The following BRAF variants were observed in gnomAD, a reference collection of about 807,000 sequenced individuals.
BRAF encodes the protein serine/threonine-protein kinase B-raf.
Under a neutral mutation model 104.6 loss-of-function variants are expected in BRAF, and 16 were observed. The ratio of observed to expected loss-of-function variants is 0.15; its 90% CI spans 0.10 to 0.23. The LOEUF is 0.23. BRAF is among the 10% of genes least tolerant of loss of function. The pLI, the probability that BRAF is intolerant of heterozygous loss-of-function variation, is 1.00. For missense variants in BRAF, 541 were observed against 937.3 expected, an observed-to-expected ratio of 0.58 and a Z score of 5.52; for synonymous variants, 310 against 341.6, an observed-to-expected ratio of 0.91 and a Z score of 1.02.
chr7:140,733,531 C>G (rs1376506857), intron 19 of BRAF: 1 of 152,092 alleles, frequency 6.6e-6, no homozygotes, highest in Non-Finnish European at 1.5e-5. Flanking sequence ...AGTGTAAGTA[C>G]TAAAGAACCC....
chr7:140,777,241 T>G lies in BRAF; in HGVS notation c.1638-153A>C, dbSNP rs188449133. 1.1e-4 allele frequency among the ~76,000 whole-genome samples: 16 copies of G among 152,308 alleles called. No homozygotes were observed. The East Asian group carries it at 1.9e-3, about 18-fold the overall frequency. ...ACAAAAGGATACATTTAGAAGAGAC[T>G]GGCAATTGCCAAGTCTAACCTCCTA... On this transcript the variant is annotated intron_variant, in intron 13 of 19. Coordinates refer to ENST00000644969, the MANE Select transcript of BRAF (RefSeq NM_001374258.1).
chr7:140,916,663 A>G (rs751622140), intron 1 of BRAF, among the ~76,000 whole-genome samples: 8 of 152,218 alleles, frequency 5.3e-5, no homozygotes, highest in Non-Finnish European at 1.2e-4. Context: ...TTATAAGGAA[A>G]TTAATTTTGG....
chr7:140,791,256 C>T (rs1323437227), intron 8 of BRAF, among the ~76,000 whole-genome samples: 2 of 152,242 alleles, frequency 1.3e-5, no homozygotes, highest in Non-Finnish European at 1.5e-5. Context: ...TCTCCTCTTA[C>T]TGGCCCTCTA....
chr7:140,713,513 TA>T, the BRAF span, among the ~76,000 whole-genome samples: 1 of 151,996 alleles, frequency 6.6e-6, no homozygotes, highest in Admixed American at 6.6e-5. Flanking sequence ...TCCATTCATC[TA>T]ATTTTTTTTC....
Position 140,725,738 on chromosome 7 carries a change from C to T in BRAF, c.*756G>A. 9.4e-7 allele frequency: 1 copy of T among 1,060,288 alleles called. No homozygotes were observed. Among genetic ancestry groups the T allele is most frequent in the African/African-American group, 1.6e-5 (1 of 60,818 alleles). The allele number at this position is 1,060,288 out of a possible 1,614,324, so 65.7% of individuals were successfully genotyped here. A position where few individuals can be genotyped will look rare whatever the true frequency, so the allele number is the denominator to read the frequency against. ...CCAAACACTTATCTTCATTGCTGGA[C>T]CCAATGAGAAAGAAGGCAATGTGTG... On this transcript the variant is annotated 3_prime_UTR_variant, in exon 20 of 20. Coordinates refer to ENST00000644969, the MANE Select transcript of BRAF (RefSeq NM_001374258.1).
chr7:140,783,337 CT>C (rs1801062568), intron 10 of BRAF, 180 bp from the exon 10 acceptor site: 3 of 690,470 alleles, frequency 4.3e-6, no homozygotes, highest in Non-Finnish European at 7.0e-6. Flanking sequence ...ACTATAATTT[CT>C]TTTAGTTTTC....
At chr7:140,853,032 T>C (rs1366277544) in intron 1 of BRAF, among the ~76,000 whole-genome samples, 1 of 152,166 alleles carries the variant, frequency 6.6e-6, no homozygotes, top group Non-Finnish European at 1.5e-5. Flanking sequence ...CACCTTCATT[T>C]CTCTGTTAGT....
chr7:140,773,734 T>C (rs899650047), intron 14 of BRAF, among the ~76,000 whole-genome samples: 2 of 152,180 alleles, frequency 1.3e-5, no homozygotes, highest in Non-Finnish European at 2.9e-5. Context: ...ATAGCTGATA[T>C]TGCCAATTCC....
At position 140,753,377 on chromosome 7, in the gene BRAF, T is replaced by C. The variant is rs768785918; in HGVS notation, c.1878A>G (p.Glu626=). The change falls in exon 16 of 20, where the codon GAA becomes GAG. Residue 626 remains glutamate, a synonymous_variant. Coordinates refer to ENST00000644969, the MANE Select transcript of BRAF (RefSeq NM_001374258.1). ...AATCACCTATTTTTACTGTGAGGTC[T>C]TCATGAAGAAATATATCTGAGGTGT... ...DLKSNNIFLH[E]DLTVKIGDFG... 6.2e-7 allele frequency: 1 copy of C among 1,603,834 alleles called. No homozygotes were observed. Among genetic ancestry groups the C allele is most frequent in the South Asian group, 1.1e-5 (1 of 90,878 alleles).
chr7:140,869,431 G>C (rs908875925), intron 1 of BRAF, among the ~76,000 whole-genome samples: 1 of 152,032 alleles, frequency 6.6e-6, no homozygotes, highest in Non-Finnish European at 1.5e-5. Flanking sequence ...TCAGGAATTC[G>C]AGACCTACCT....
At chr7:140,896,910 C>G (rs1459175015) in intron 1 of BRAF, among the ~76,000 whole-genome samples, 3 of 130,122 alleles carry the variant, frequency 2.3e-5, no homozygotes, top group Non-Finnish European at 4.9e-5. Flanking sequence ...GACCTATAAA[C>G]AAATGAAGAT....
chr7:140,738,281 A>C (rs1298284263), intron 18 of BRAF, among the ~76,000 whole-genome samples: 2 of 152,204 alleles, frequency 1.3e-5, no homozygotes, highest in African/African-American at 4.8e-5. Context: ...TAAAACCATC[A>C]ATTTTATCTT....
downstream of BRAF, chr7:140,719,258 T>C (rs1475809176): frequency 3.1e-6 from 2 of 650,446 alleles, no homozygotes; most frequent in Non-Finnish European, 3.9e-6. Context: ...CTCCATTGTC[T>C]AGAAAAACTG....
intron 2 of BRAF, among the ~76,000 whole-genome samples, chr7:140,848,644 T>C (rs1310755570): frequency 6.6e-6 from 1 of 152,346 alleles, no homozygotes; most frequent in East Asian, 1.9e-4. Flanking sequence ...GCTGGTTATA[T>C]TGTCTAATTC....
chr7:140,766,342 T>C (rs1031897548), intron 14 of BRAF, among the ~76,000 whole-genome samples: 1 of 152,198 alleles, frequency 6.6e-6, no homozygotes, highest in East Asian at 1.9e-4. Context: ...TAATGCTAAA[T>C]GACGAGTTAA....
At chr7:140,872,324 T>A (rs1811699408) in intron 1 of BRAF, among the ~76,000 whole-genome samples, 2 of 151,844 alleles carry the variant, frequency 1.3e-5, no homozygotes, top group Non-Finnish European at 2.9e-5. Context: ...TGGACAAAGC[T>A]AAAGTCCATG....
In BRAF at chr7:140,720,850, C is replaced by T. The variant is rs1036349941; in HGVS notation, c.*5644G>A. 18 of 1,065,830 alleles carry T rather than the reference C, an allele frequency of 1.7e-5. No homozygotes were observed. The highest frequency in any genetic ancestry group is 1.9e-5 in the Non-Finnish European group (17 of 879,796). The allele number at this position is 1,065,830 out of a possible 1,614,324, so 66.0% of individuals were successfully genotyped here. On this transcript the variant is annotated 3_prime_UTR_variant, in exon 20 of 20. Transcript: ENST00000644969. ...CCAGGACTAAGCAACTTCATCAAAA[C>T]CCCCAATCCCACCCGTCAACAGACC...
chr7:140,755,011 ATTG>A (rs1455473375), intron 14 of BRAF, among the ~76,000 whole-genome samples: 2 of 152,104 alleles, frequency 1.3e-5, no homozygotes, highest in African/African-American at 2.4e-5. Context: ...AAAAGGCAGC[ATTG>A]TTGTTGTTGT....
rs1801509871 is a variant in BRAF, at chr7:140,787,490, G to A, written c.1177+58C>T. The A allele has an allele frequency of 2.7e-6, 4 of 1,498,928 alleles. No individual in the cohort carries two copies. The East Asian group carries it at 9.0e-5, about 34-fold the overall frequency. 92.9% of individuals were successfully genotyped at this position (1,498,928 alleles called of 1,614,324 possible). ...AAAGAGGCAAGTATAAAGGAAATAA[G>A]CAGCAAAGCAATTGCAGTTTCCTTG... is the stretch of plus-strand genomic sequence containing the variant. On this transcript the variant is annotated intron_variant, in intron 9 of 19. Transcript: ENST00000644969.
Sources: gnomAD v4.1 joint callset for allele counts (sites outside exome capture counted in the v4.1 genomes callset) on GRCh38, gnomAD v4.1.1 for gene constraint, MANE v1.5 for transcripts, NCBI Gene and HGNC (gene_info 2026-07-23, HGNC 2026-07-21) for gene names.